Variants in PRRC2A observed in about 807,000 individuals in gnomAD.
The protein encoded by PRRC2A is protein PRRC2A.
In PRRC2A, 59 loss-of-function variants were observed where a neutral mutation model predicts 224.6. The ratio of observed to expected loss-of-function variants is 0.26; its 90% confidence interval spans 0.21 to 0.33. The LOEUF (loss-of-function observed/expected upper bound fraction) is 0.33. Ranked by LOEUF, PRRC2A falls within the 10% of genes least tolerant of loss-of-function variation. The probability of loss-of-function intolerance (pLI) is 1.00; values close to 1 mark genes in which losing one functional copy is unlikely to be tolerated. For synonymous variants in PRRC2A, 1,194 were observed against 1,109.5 expected, an observed-to-expected ratio of 1.08 and a Z score of -1.51; for missense variants, 3,095 against 2,880.7, an observed-to-expected ratio of 1.07 and a Z score of -1.70.
chr6:31,623,605 C>T lies in PRRC2A; in HGVS notation c.113-127C>T, dbSNP rs1044712849. The T allele has an allele frequency of 1.4e-5, 16 of 1,105,978 alleles. No homozygotes were observed. In the African/African-American group the frequency reaches 2.4e-4, roughly 16 times the overall value. The allele number at this position is 1,105,978 out of a possible 1,614,324, so 68.5% of individuals were successfully genotyped here. A position where few individuals can be genotyped will look rare whatever the true frequency, so the allele number is the denominator to read the frequency against. On this transcript the variant is annotated intron_variant, in intron 2 of 30. Coordinates refer to ENST00000376033, the MANE Select transcript of PRRC2A (RefSeq NM_004638.4). ...TTATTAAGGGCAGGGGAAGGAATCC[C>T]TTCTAAGAGAAGTTTGGAGGAAGTA...
intron 17 of PRRC2A, 49 bp from the exon 18 acceptor site, chr6:31,633,809 AG>A (rs1561833947): frequency 1.3e-6 from 2 of 1,540,324 alleles, no homozygotes; most frequent in East Asian, 4.6e-5. Flanking sequence ...AGGAAAAGTT[AG>A]GGTCAGTGGC....
rs969537798 is a variant in PRRC2A at position 31,631,024 on chromosome 6, AAAAC to A, written c.2466-109_2466-106del. On this transcript the variant is annotated intron_variant, in intron 15 of 30. Coordinates refer to ENST00000376033, the MANE Select transcript of PRRC2A (RefSeq NM_004638.4). This position sits in a 1 kb window ranked among gnomAD's most constrained non-coding sequence, Gnocchi z 4.5. Reference sequence around the variant, plus strand: ...TCGGCAACTGGATGCCATCTCTGCCAAAACAAACAGAAAAATAGTAAAAGAGAGT... The same window carrying A: ...TCGGCAACTGGATGCCATCTCTGCCAAAACAGAAAAATAGTAAAAGAGAGT... The A allele has an allele frequency of 6.1e-6, 8 of 1,304,418 alleles. No individual in the cohort carries two copies. Among genetic ancestry groups the A allele is most frequent in the South Asian group, 2.9e-5 (2 of 69,920 alleles). The allele number at this position is 1,304,418 out of a possible 1,614,324, so 80.8% of individuals were successfully genotyped here.
chr6:31,623,581 T>A (rs1775562541), intron 2 of PRRC2A, 151 bp from the exon 3 acceptor site: 1 of 934,814 alleles, frequency 1.1e-6, no homozygotes, highest in Admixed American at 2.8e-5. Flanking sequence ...TTTCAGAGAT[T>A]ATTAAGGGCA....
At position 31,632,272 on chromosome 6, in the gene PRRC2A, G is replaced by A. The variant is rs763130783; in HGVS notation, c.3599G>A (p.Gly1200Asp). 1 of 1,613,046 alleles carries A rather than the reference G, an allele frequency of 6.2e-7. No individual in the cohort carries two copies. Among genetic ancestry groups the A allele is most frequent in the Non-Finnish European group, 8.5e-7 (1 of 1,180,000 alleles). ...CTGGCTCCCAAGAAACCTCCCACAG[G>A]CCCTTTGCCACCAAGTAAGGAGCCT... ...KSLAPKKPPTGPLPPSKEPLK... is the reference protein window; with the variant it reads ...KSLAPKKPPTDPLPPSKEPLK... Residue 1200 changes from glycine (G) to aspartate (D), a missense_variant, in exon 16 of 31, where the codon GGC becomes GAC. By Grantham distance (94) the Gly-to-Asp change is moderately conservative. Around this residue, in one of 8 missense-constraint regions of PRRC2A, gnomAD observed 2,001 missense variants for 1,764.9 expected, o/e 1.13. Coordinates refer to ENST00000376033, the MANE Select transcript of PRRC2A (RefSeq NM_004638.4).
chr6:31,625,982 T>C lies in PRRC2A; in HGVS notation c.840-38T>C, dbSNP rs1409754103. ...CTAGGATCAGTCTCGCATGTGGTTA[T>C]ACAACATGCCATATTTCATTTTCTT... On this transcript the variant is annotated intron_variant, in intron 8 of 30. Transcript: ENST00000376033. The surrounding 1 kb of genome is among the most constrained non-coding windows in gnomAD (Gnocchi z 4.1). The C allele has an allele frequency of 1.9e-6, 3 of 1,608,346 alleles. No individual in the cohort carries two copies. The highest frequency in any genetic ancestry group is 1.1e-5 in the South Asian group (1 of 90,640).
rs937059063 is a variant in PRRC2A, at chr6:31,627,969, G to A, written c.1495G>A (p.Ala499Thr). Residue 499 changes from alanine (A) to threonine (T), a missense_variant, in exon 12 of 31, where the codon GCA (alanine) becomes ACA (threonine). Around this residue, in one of 8 missense-constraint regions of PRRC2A, gnomAD observed 2,001 missense variants for 1,764.9 expected, o/e 1.13. Transcript: ENST00000376033. This position sits in a 1 kb window ranked among gnomAD's most constrained non-coding sequence, Gnocchi z 5.6. ...CAAGCGACTCGATGAAAAGTTTGGG[G>A]CACCTGACAAGCGGCTCAAAGCAGA... ...KLKRLDEKFG[A>T]PDKRLKAEPA... 3.1e-6 allele frequency: 5 copies of A among 1,612,846 alleles called. No homozygotes were observed. Among genetic ancestry groups the A allele is most frequent in the African/African-American group, 2.7e-5 (2 of 74,918 alleles).
At chr6:31,629,444 T>C in intron 13 of PRRC2A, 104 bp from the exon 14 acceptor site, 1 of 1,461,732 alleles carries the variant, frequency 6.8e-7, no homozygotes. Context: ...TCCAGTTGTC[T>C]CCATTGTCAC....
At chr6:31,626,558 GAA>G (rs74270834) in intron 9 of PRRC2A, among the ~76,000 whole-genome samples, 12 of 141,626 alleles carry the variant, frequency 8.5e-5, no homozygotes, top group Admixed American at 6.3e-4. Flanking sequence ...CTTTTAAAAG[GAA>G]AAAAAAAAAA....
chr6:31,631,897 A>G lies in PRRC2A; in HGVS notation c.3224A>G (p.His1075Arg). Residue 1075 changes from histidine to arginine, a missense_variant, in exon 16 of 31, where the codon CAC (histidine) becomes CGC (arginine). This residue lies in a region of PRRC2A where 2,001 missense variants were observed against 1,764.9 expected (regional missense o/e 1.13). Coordinates refer to ENST00000376033, the MANE Select transcript of PRRC2A (RefSeq NM_004638.4). This position sits in a 1 kb window ranked among gnomAD's most constrained non-coding sequence, Gnocchi z 4.5. ...GGAGGTGGGACAGGGGGACCAAACC[A>G]CCCTCCTGCTCCCCGAGGCCGCACT... ...GRGGGTGGPN[H>R]PPAPRGRTAS... The G allele has an allele frequency of 1.2e-6, 2 of 1,611,292 alleles. No individual in the cohort carries two copies. Among genetic ancestry groups the G allele is most frequent in the Non-Finnish European group, 1.7e-6 (2 of 1,179,430 alleles).
At position 31,636,217 on chromosome 6, in the gene PRRC2A, C is replaced by T. The variant is rs1347390293; in HGVS notation, c.5633C>T (p.Pro1878Leu). ...CCACAATTTATTTTCAGATCACAGC[C>T]CCTATACCTACCCCCCGGCCCAGCC... Reference protein sequence around the residue: ...TPSLHPYRSQPLYLPPGPAPP... With the variant: ...TPSLHPYRSQLLYLPPGPAPP... The change falls in exon 26 of 31, where the codon CCC (proline) becomes CTC (leucine). Residue 1878 changes from proline (P) to leucine (L), a missense_variant. Transcript: ENST00000376033. This position sits in a 1 kb window ranked among gnomAD's most constrained non-coding sequence, Gnocchi z 4.3. 2 of 1,612,372 alleles carry T rather than the reference C, an allele frequency of 1.2e-6. No homozygotes were observed. The highest frequency in any genetic ancestry group is 1.7e-5 in the Admixed American group (1 of 59,992).
chr6:31,624,010 G>A (rs918097421), intron 3 of PRRC2A, 101 bp downstream of exon 3: 155 of 1,393,386 alleles, frequency 1.1e-4, no homozygotes, highest in Non-Finnish European at 1.4e-4. Flanking sequence ...AGCCAGAGAC[G>A]AAGAGGTCCC....
In PRRC2A at chr6:31,625,622, GTGTCT is replaced by G. The variant is rs776895459; in HGVS notation, c.759+19_759+23del. On this transcript the variant is annotated intron_variant, in intron 7 of 30. Coordinates refer to ENST00000376033, the MANE Select transcript of PRRC2A (RefSeq NM_004638.4). This position sits in a 1 kb window ranked among gnomAD's most constrained non-coding sequence, Gnocchi z 4.1. ...ATGATGCCGCCTTTCGTGAGTCTTGGTGTCTTGTCTTGGAACGATTACACTGGAAG... is the reference window on the plus strand; with the variant it reads ...ATGATGCCGCCTTTCGTGAGTCTTGGTGTCTTGGAACGATTACACTGGAAG... The G allele has an allele frequency of 6.3e-7, 1 of 1,592,928 alleles. No individual in the cohort carries two copies. The highest frequency in any genetic ancestry group is 8.6e-7 in the Non-Finnish European group (1 of 1,168,182).
Position 31,629,261 on chromosome 6 carries a change from A to G in PRRC2A, c.1883A>G (p.Gln628Arg). The G allele has an allele frequency of 6.2e-7, 1 of 1,610,606 alleles. No individual in the cohort carries two copies. The highest frequency in any genetic ancestry group is 8.5e-7 in the Non-Finnish European group (1 of 1,178,378). The change falls in exon 13 of 31, where the codon CAG becomes CGG. Residue 628 changes from glutamine (Q) to arginine (R), a missense_variant. Coordinates refer to ENST00000376033, the MANE Select transcript of PRRC2A (RefSeq NM_004638.4). ...PKGDGIGPTR[Q>R]PPSQGLGYPK... Reference sequence around the variant, plus strand: ...GGTGATGGGATTGGTCCCACCCGCCAGCCCCCTAGTCAGGGCTTGGGCTAC... The same window carrying G: ...GGTGATGGGATTGGTCCCACCCGCCGGCCCCCTAGTCAGGGCTTGGGCTAC...
chr6:31,626,690 C>A, intron 9 of PRRC2A, 82 bp from the exon 10 acceptor site: 1 of 1,213,230 alleles, frequency 8.2e-7, no homozygotes, highest in Non-Finnish European at 1.2e-6. Context: ...ATTGGTAGTC[C>A]ATCTTGTTAC....
chr6:31,637,341 T>C lies in PRRC2A; in HGVS notation c.6333+17T>C, dbSNP rs750657549. ...TACCAGCAGGTGAAGGAGAAACCCTTGTGGCCCCAACTCTAAATTCGAGTT... is the reference window on the plus strand; with the variant it reads ...TACCAGCAGGTGAAGGAGAAACCCTCGTGGCCCCAACTCTAAATTCGAGTT... On this transcript the variant is annotated intron_variant, in intron 30 of 30. Transcript: ENST00000376033. The C allele has an allele frequency of 1.4e-5, 22 of 1,605,986 alleles. No homozygotes were observed. Among genetic ancestry groups the C allele is most frequent in the African/African-American group, 2.7e-5 (2 of 74,786 alleles).
At position 31,627,628 on chromosome 6, in the gene PRRC2A, T is replaced by G; in HGVS notation, c.1291-137T>G. On this transcript the variant is annotated intron_variant, in intron 11 of 30. Coordinates refer to ENST00000376033, the MANE Select transcript of PRRC2A (RefSeq NM_004638.4). This position sits in a 1 kb window ranked among gnomAD's most constrained non-coding sequence, Gnocchi z 5.6. The stretch of plus-strand genomic sequence containing the variant: ...AAAGAAGACCAGGATAATGAGTTTG[T>G]CACCACCCAGAGAGATCAACCCCAA... 1.8e-6 allele frequency: 2 copies of G among 1,134,382 alleles called. No individual in the cohort carries two copies. The highest frequency in any genetic ancestry group is 2.4e-6 in the Non-Finnish European group (2 of 819,240). The allele number at this position is 1,134,382 out of a possible 1,614,324, so 70.3% of individuals were successfully genotyped here. A position where few individuals can be genotyped will look rare whatever the true frequency, so the allele number is the denominator to read the frequency against.
chr6:31,629,436 C>G, intron 13 of PRRC2A, 102 bp downstream of exon 13: 1 of 1,466,194 alleles, frequency 6.8e-7, no homozygotes, highest in Non-Finnish European at 9.3e-7. Flanking sequence ...CTTCTTTGTC[C>G]AGTTGTCTCC....
chr6:31,631,491 G>C lies in PRRC2A; in HGVS notation c.2818G>C (p.Glu940Gln), dbSNP rs938047725. ...PGSSRRGIPP[E>Q]EPGAPPRRAG... ...GAGCAGTCGTCGTGGAATCCCTCCAGAGGAGCCAGGGGCCCCACCCCGCCG... is the reference window on the plus strand; with the variant it reads ...GAGCAGTCGTCGTGGAATCCCTCCACAGGAGCCAGGGGCCCCACCCCGCCG... Residue 940 changes from glutamate (E) to glutamine (Q), a missense_variant, in exon 16 of 31, where the codon GAG becomes CAG. By Grantham distance (29) the Glu-to-Gln change is conservative. Coordinates refer to ENST00000376033, the MANE Select transcript of PRRC2A (RefSeq NM_004638.4). The surrounding 1 kb of genome is among the most constrained non-coding windows in gnomAD (Gnocchi z 4.5). 4 of 1,608,210 alleles carry C rather than the reference G, an allele frequency of 2.5e-6. No individual in the cohort carries two copies. The highest frequency in any genetic ancestry group is 3.4e-5 in the Admixed American group (2 of 58,676).
chr6:31,628,518 T>A, intron 12 of PRRC2A: 1 of 521,036 alleles, frequency 1.9e-6, no homozygotes, highest in Non-Finnish European at 3.2e-6. Context: ...CGCTTGAGCC[T>A]AGGGAGTTTG....
Sources: allele counts gnomAD v4.1 joint callset (sites outside exome capture counted in the v4.1 genomes callset), GRCh38; gene constraint gnomAD v4.1.1; regional missense constraint gnomAD v4.1.1; non-coding constraint Gnocchi (gnomAD v3.1); transcripts MANE v1.5; gene names NCBI Gene and HGNC (gene_info 2026-07-23, HGNC 2026-07-21).